The following SMARCA2 variants were observed in gnomAD, a reference collection of about 807,000 sequenced individuals.
SMARCA2 encodes the protein SWI/SNF related BAF chromatin remodeling complex subunit ATPase 2.
Under a neutral mutation model 199.8 loss-of-function variants are expected in SMARCA2, and 61 were observed. The observed-to-expected ratio is 0.31, with a 90% confidence interval of 0.25 to 0.38. The LOEUF (loss-of-function observed/expected upper bound fraction) is 0.38. Among genes scored for constraint, SMARCA2 ranks in the 10% least tolerant of loss-of-function variants. The pLI is 1.00. For synonymous variants in SMARCA2, 935 were observed against 732.0 expected, an observed-to-expected ratio of 1.28 and a Z score of -4.48; for missense variants, 1,344 against 2,012.2, an observed-to-expected ratio of 0.67 and a Z score of 6.35.
intron 32 of SMARCA2, among the ~76,000 whole-genome samples, chr9:2,189,247 A>G (rs1827708812): frequency 1.3e-5 from 2 of 152,322 alleles, no homozygotes; most frequent in South Asian, 2.1e-4. Flanking sequence ...ATATGGTTGT[A>G]TCATAAAACC....
At position 2,191,427 on chromosome 9, in the gene SMARCA2, G is replaced by A; in HGVS notation, c.4737+19G>A. On this transcript the variant is annotated intron_variant, in intron 33 of 33. Transcript: ENST00000349721. ...TGAACGTGTAAGTGTAGCCGACTGGGACTGAAGGCGGAGACGCCCTCTCCC... is the reference window on the plus strand; with the variant it reads ...TGAACGTGTAAGTGTAGCCGACTGGAACTGAAGGCGGAGACGCCCTCTCCC... The A allele has an allele frequency of 1.2e-6, 2 of 1,613,314 alleles. No homozygotes were observed. The highest frequency in any genetic ancestry group is 1.1e-5 in the South Asian group (1 of 90,982).
At position 2,056,588 on chromosome 9, in the gene SMARCA2, C is replaced by A; in HGVS notation, c.1174-84C>A. ...GGAGATTCCCCGCCCCACTCTATTC[C>A]ATTAAATGCAACCGCGAGAAGGCCA... On this transcript the variant is annotated intron_variant, in intron 6 of 33. Transcript: ENST00000349721. The surrounding 1 kb of genome is among the most constrained non-coding windows in gnomAD (Gnocchi z 4.0). The A allele has an allele frequency of 7.9e-7, 1 of 1,259,544 alleles. No individual in the cohort carries two copies. Among genetic ancestry groups the A allele is most frequent in the Non-Finnish European group, 1.1e-6 (1 of 914,390 alleles). 78.0% of individuals were successfully genotyped at this position (1,259,544 alleles called of 1,614,324 possible).
intron 24 of SMARCA2, among the ~76,000 whole-genome samples, chr9:2,113,785 C>A (rs1358520517): frequency 6.6e-6 from 1 of 152,168 alleles, no homozygotes; most frequent in Non-Finnish European, 1.5e-5. Flanking sequence ...TATTCTGCTG[C>A]CCCCTGCAAT....
intron 24 of SMARCA2, among the ~76,000 whole-genome samples, chr9:2,112,791 G>A (rs190449131): frequency 1.3e-5 from 2 of 152,292 alleles, no homozygotes; most frequent in East Asian, 3.9e-4. Flanking sequence ...TCAGGAATCA[G>A]TGATTTTATA....
chr9:2,102,408 T>C (rs1049399816), intron 22 of SMARCA2, among the ~76,000 whole-genome samples: 24 of 152,282 alleles, frequency 1.6e-4, no homozygotes, highest in African/African-American at 5.5e-4. Flanking sequence ...AGAACAGTTC[T>C]CAGAGTGGAG....
intron 27 of SMARCA2, chr9:2,158,892 G>C: frequency 6.3e-7 from 1 of 1,589,104 alleles, no homozygotes; most frequent in African/African-American, 1.3e-5. Flanking sequence ...ACTGCATATG[G>C]ATGTGTTTGG....
chr9:2,029,314 C>G lies in SMARCA2; in HGVS notation c.225+67C>G, dbSNP rs557437093. On this transcript the variant is annotated intron_variant, in intron 2 of 33. Coordinates refer to ENST00000349721, the MANE Select transcript of SMARCA2 (RefSeq NM_003070.5). ...TGGATGGCTAATATTTCTGATAACC[C>G]CATCCCCCTTTCTACTGTTGTTAAC... 32 of 1,549,810 alleles carry G rather than the reference C, an allele frequency of 2.1e-5. No individual in the cohort carries two copies. The African/African-American group carries it at 3.7e-4, about 18-fold the overall frequency.
At chr9:2,171,482 G>C (rs944629620) in intron 29 of SMARCA2, among the ~76,000 whole-genome samples, 8 of 152,150 alleles carry the variant, frequency 5.3e-5, no homozygotes, top group Admixed American at 1.3e-4. Context: ...ATCCATTTTT[G>C]TGTGGAGATG....
intron 31 of SMARCA2, among the ~76,000 whole-genome samples, chr9:2,183,692 A>G (rs1445959101): frequency 7.2e-5 from 11 of 152,204 alleles, no homozygotes. Flanking sequence ...TTTCCAAGTT[A>G]ATAGTAGTAG....
At chr9:2,172,140 G>GAGAT (rs1826282381) in intron 29 of SMARCA2, among the ~76,000 whole-genome samples, 1 of 152,090 alleles carries the variant, frequency 6.6e-6, no homozygotes, top group Non-Finnish European at 1.5e-5. Flanking sequence ...ATGGTGTTTG[G>GAGAT]AGATTGTATT....
chr9:2,189,409 G>C (rs952652746), intron 32 of SMARCA2, among the ~76,000 whole-genome samples: 1 of 152,108 alleles, frequency 6.6e-6, no homozygotes, highest in African/African-American at 2.4e-5. Flanking sequence ...TTTAGATTAC[G>C]CTCTCAAGGA....
At chr9:2,078,963 T>A (rs796448477) in intron 14 of SMARCA2, among the ~76,000 whole-genome samples, 8 of 151,636 alleles carry the variant, frequency 5.3e-5, no homozygotes, top group Non-Finnish European at 7.4e-5. Flanking sequence ...AATAAATAAA[T>A]AAAAATAAAA....
chr9:2,042,639 T>A (rs2130264919), intron 4 of SMARCA2: 1 of 152,142 alleles, frequency 6.6e-6, no homozygotes, highest in Non-Finnish European at 1.5e-5. Context: ...TTCTGGATCA[T>A]TTTCAGGAGA....
chr9:2,175,810 A>T (rs1826541592), intron 29 of SMARCA2, among the ~76,000 whole-genome samples: 1 of 151,996 alleles, frequency 6.6e-6, no homozygotes, highest in Non-Finnish European at 1.5e-5. Context: ...GCCTTTTTTA[A>T]ATCCTTGTTG....
chr9:2,168,892 A>G (rs1826079652), intron 28 of SMARCA2, among the ~76,000 whole-genome samples: 2 of 152,190 alleles, frequency 1.3e-5, no homozygotes, highest in South Asian at 4.1e-4. Context: ...GTCTTAGATG[A>G]CAGAGCCATA....
chr9:2,028,973 G>C lies in SMARCA2; in HGVS notation c.-36-14G>C. Reference sequence around the variant, plus strand: ...TTTAAAACATGCCTTCCTTTTTTCTGCTTTTCAACTTAGCATTACTCTACT... The same window carrying C: ...TTTAAAACATGCCTTCCTTTTTTCTCCTTTTCAACTTAGCATTACTCTACT... On this transcript the variant is annotated splice_polypyrimidine_tract_variant and intron_variant, in intron 1 of 33. Coordinates refer to ENST00000349721, the MANE Select transcript of SMARCA2 (RefSeq NM_003070.5). 6.5e-7 allele frequency: 1 copy of C among 1,534,984 alleles called. No individual in the cohort carries two copies. Among genetic ancestry groups the C allele is most frequent in the East Asian group, 2.4e-5 (1 of 40,878 alleles).
At chr9:2,191,608 T>G in intron 33 of SMARCA2, 200 bp downstream of exon 33, 2 of 456,534 alleles carry the variant, frequency 4.4e-6, no homozygotes, top group Non-Finnish European at 7.7e-6. Context: ...GTTTATTGCC[T>G]TTTTAATAGT....
chr9:2,058,416 G>A lies in SMARCA2; in HGVS notation c.1473G>A (p.Gln491=). The A allele has an allele frequency of 6.2e-7, 1 of 1,614,214 alleles. No homozygotes were observed. Among genetic ancestry groups the A allele is most frequent in the South Asian group, 1.1e-5 (1 of 91,086 alleles). The part of the protein sequence containing the change: ...ATWHANTERE[Q]KKETERIEKE... ...GGCATGCCAACACTGAAAGAGAGCA[G>A]AAGAAGGAGACAGAGCGGATTGAAA... Residue 491 remains glutamine (Q), a synonymous_variant, in exon 8 of 34, where the codon CAG becomes CAA. Transcript: ENST00000349721.
intron 27 of SMARCA2, among the ~76,000 whole-genome samples, chr9:2,156,953 A>T (rs1332133653): frequency 6.6e-6 from 1 of 152,064 alleles, no homozygotes; most frequent in Non-Finnish European, 1.5e-5. Flanking sequence ...TTGCGTCTAG[A>T]TTATTTCACT....
Sources: allele counts gnomAD v4.1 joint callset (sites outside exome capture counted in the v4.1 genomes callset), GRCh38; gene constraint gnomAD v4.1.1; non-coding constraint Gnocchi (gnomAD v3.1); transcripts MANE v1.5; gene names NCBI Gene and HGNC (gene_info 2026-07-23, HGNC 2026-07-21).